Variants in ATG5 observed in about 807,000 individuals in gnomAD.
ATG5 encodes the protein autophagy protein 5.
A neutral mutation model predicts 36.5 loss-of-function variants in ATG5; 14 were observed. The observed-to-expected ratio is 0.38, with a 90% CI of 0.25 to 0.60. ATG5 has a LOEUF of 0.60. ATG5 is among the 20% of genes least tolerant of loss of function. The pLI, the probability that ATG5 is intolerant of heterozygous loss-of-function variation, is 0.60. For missense variants in ATG5, 195 were observed against 326.7 expected, an observed-to-expected ratio of 0.60 and a Z score of 3.11; for synonymous variants, 95 against 101.5, an observed-to-expected ratio of 0.94 and a Z score of 0.38.
At chr6:106,198,108 A>C (rs1314593426) in intron 7 of ATG5, among the ~76,000 whole-genome samples, 1 of 119,528 alleles carries the variant, frequency 8.4e-6, no homozygotes, top group Non-Finnish European at 1.8e-5. Flanking sequence ...CACCCTTATA[A>C]CAGAGAAAAT....
chr6:106,286,165 C>T (rs633724), intron 4 of ATG5, among the ~76,000 whole-genome samples: 63,746 of 151,968 alleles, frequency 0.42, 13,678 homozygotes, highest in Admixed American at 0.52. Flanking sequence ...TTTGGCTCCT[C>T]CTTCTCTGAT....
chr6:106,201,548 G>C (rs1415441663), intron 7 of ATG5, among the ~76,000 whole-genome samples: 2 of 152,222 alleles, frequency 1.3e-5, no homozygotes, highest in Admixed American at 6.5e-5. Context: ...TGAAAAAGTA[G>C]AAAGTAGTAG....
chr6:106,315,020 C>T (rs1465916424), intron 2 of ATG5, among the ~76,000 whole-genome samples: 1 of 152,066 alleles, frequency 6.6e-6, no homozygotes, highest in Admixed American at 6.6e-5. Flanking sequence ...ATTCATGCAC[C>T]GAGTAGTACC....
intron 2 of ATG5, among the ~76,000 whole-genome samples, chr6:106,315,615 G>A (rs1770814854): frequency 6.6e-6 from 1 of 152,026 alleles, no homozygotes; most frequent in South Asian, 2.1e-4. Context: ...TATCGTGTGT[G>A]TGTATGTGTG....
At chr6:106,293,286 G>C (rs1371071727) in intron 3 of ATG5, among the ~76,000 whole-genome samples, 180 bp from the exon 4 acceptor site, 3 of 152,168 alleles carry the variant, frequency 2.0e-5, no homozygotes, top group Admixed American at 6.5e-5. Context: ...CCAGGCATCA[G>C]GTGGTTTCCT....
chr6:106,304,591 A>G (rs1344772303), intron 3 of ATG5, among the ~76,000 whole-genome samples: 2 of 152,234 alleles, frequency 1.3e-5, no homozygotes, highest in Admixed American at 6.5e-5. Context: ...TACATACTAC[A>G]TGAGCCCATT....
Position 106,307,810 on chromosome 6 carries a change from C to T in ATG5, c.236+554G>A, listed in dbSNP as rs1042549185. Among the ~76,000 whole-genome samples, 5 of 151,774 alleles carry T rather than the reference C, an allele frequency of 3.3e-5. No individual in the cohort carries two copies. The East Asian group carries it at 5.8e-4, about 18-fold the overall frequency. On this transcript the variant is annotated intron_variant, in intron 3 of 7. Coordinates refer to ENST00000369076, the MANE Select transcript of ATG5 (RefSeq NM_004849.4). ...CTCGGCCTCCCAAAGTGCTGGGATT[C>T]GTGTAGTATCTGTTCTTATCAGTTC...
At chr6:106,202,176 CA>C (rs1033913685) in intron 6 of ATG5, 87 bp from the exon 7 acceptor site, 53 of 957,108 alleles carry the variant, frequency 5.5e-5, no homozygotes, top group African/African-American at 4.2e-4. Context: ...TTTATGTTGG[CA>C]TTAGGTGCCT....
chr6:106,259,158 A>C (rs1364211051), intron 5 of ATG5, among the ~76,000 whole-genome samples: 1 of 152,208 alleles, frequency 6.6e-6, no homozygotes, highest in Non-Finnish European at 1.5e-5. Flanking sequence ...ATTCACTGCA[A>C]AACAAGTTGG....
intron 6 of ATG5, among the ~76,000 whole-genome samples, chr6:106,231,253 C>A (rs931024727): frequency 1.3e-5 from 2 of 152,174 alleles, no homozygotes; most frequent in African/African-American, 4.8e-5. Context: ...AGGTTTAGGA[C>A]AATCCTTTGA....
At chr6:106,253,909 A>G (rs1778697034) in intron 5 of ATG5, among the ~76,000 whole-genome samples, 6 of 152,160 alleles carry the variant, frequency 3.9e-5, no homozygotes, top group Admixed American at 3.9e-4. Flanking sequence ...GCAGGCAACC[A>G]TAAATAATGT....
chr6:106,248,646 A>C (rs1778444757), intron 5 of ATG5, among the ~76,000 whole-genome samples: 1 of 152,218 alleles, frequency 6.6e-6, no homozygotes, highest in Non-Finnish European at 1.5e-5. Flanking sequence ...TGTGTAAAGA[A>C]ATAAAGTCGC....
chr6:106,321,362 C>CTT (rs1212329735), intron 1 of ATG5, among the ~76,000 whole-genome samples: 7 of 140,390 alleles, frequency 5.0e-5, no homozygotes, highest in African/African-American at 1.0e-4. Context: ...TGGGTCAACT[C>CTT]TTTTTTTTTT....
At chr6:106,189,177 A>G (rs930723048) in intron 7 of ATG5, among the ~76,000 whole-genome samples, 4 of 152,240 alleles carry the variant, frequency 2.6e-5, no homozygotes, top group Non-Finnish European at 4.4e-5. Flanking sequence ...CTCTACCCGT[A>G]AAGACTGTTT....
intron 6 of ATG5, among the ~76,000 whole-genome samples, chr6:106,216,239 ACTC>A (rs1410918521): frequency 6.6e-6 from 1 of 150,480 alleles, no homozygotes; most frequent in Non-Finnish European, 1.5e-5. Flanking sequence ...CAGCAATTCT[ACTC>A]CTAAGTATCT....
At chr6:106,309,296 T>C (rs1770560805) in intron 2 of ATG5, among the ~76,000 whole-genome samples, 1 of 152,162 alleles carries the variant, frequency 6.6e-6, no homozygotes, top group Non-Finnish European at 1.5e-5. Flanking sequence ...CAAGTAGAAC[T>C]ACTAAGCTGA....
At chr6:106,293,007 G>A (rs1780376644) in intron 4 of ATG5, 21 bp downstream of exon 4, 4 of 1,591,466 alleles carry the variant, frequency 2.5e-6, no homozygotes, top group African/African-American at 2.7e-5. Context: ...TGGGACGAAG[G>A]AGAAATGCAA....
intron 5 of ATG5, among the ~76,000 whole-genome samples, chr6:106,255,214 G>C (rs1217183845): frequency 6.6e-6 from 1 of 152,130 alleles, no homozygotes; most frequent in Non-Finnish European, 1.5e-5. Flanking sequence ...CAACTCTATC[G>C]CTTAAGACCT....
chr6:106,314,328 G>A (rs1315929872), intron 2 of ATG5, among the ~76,000 whole-genome samples: 6 of 152,144 alleles, frequency 3.9e-5, no homozygotes, highest in Non-Finnish European at 8.8e-5. Context: ...AGGCCGAGGC[G>A]GGCAGATCAC....
Sources: gnomAD v4.1 joint callset for allele counts (sites outside exome capture counted in the v4.1 genomes callset) on GRCh38, gnomAD v4.1.1 for gene constraint, MANE v1.5 for transcripts, NCBI Gene and HGNC (gene_info 2026-07-23, HGNC 2026-07-21) for gene names.